Variants in FHIP1A observed in about 807,000 individuals in gnomAD.
FHIP1A encodes FHF complex subunit HOOK interacting protein 1A.
A neutral mutation model predicts 88.6 loss-of-function variants in FHIP1A; 61 were observed. The ratio of observed to expected loss-of-function variants is 0.69; its 90% CI spans 0.56 to 0.85. The LOEUF is 0.85. Among genes scored for constraint, FHIP1A ranks in the 40% least tolerant of loss-of-function variants. The pLI is 0.00. For synonymous variants in FHIP1A, 478 were observed against 496.0 expected (o/e 0.96, Z 0.48); for missense variants, 1,154 against 1,273.5 (o/e 0.91, Z 1.43).
chr4:151,453,250 A>G (rs1728858246), intron 1 of FHIP1A, among the ~76,000 whole-genome samples: 1 of 152,134 alleles, frequency 6.6e-6, no homozygotes, highest in African/African-American at 2.4e-5. Context: ...TCCTGACCTC[A>G]AGTGATCCGC....
chr4:151,596,342 G>T (rs1052320474), intron 7 of FHIP1A, among the ~76,000 whole-genome samples: 2 of 152,168 alleles, frequency 1.3e-5, no homozygotes, highest in African/African-American at 4.8e-5. Context: ...AATGTTGAAT[G>T]TTGGCCCCCA....
chr4:151,589,726 C>A (rs1186701474), intron 7 of FHIP1A, among the ~76,000 whole-genome samples: 1 of 152,034 alleles, frequency 6.6e-6, no homozygotes, highest in Non-Finnish European at 1.5e-5. Context: ...TTACAGAATC[C>A]AAAAATACTT....
intron 2 of FHIP1A, among the ~76,000 whole-genome samples, chr4:151,472,622 G>GTTT (rs5862961): frequency 3.0e-5 from 4 of 131,510 alleles, no homozygotes; most frequent in Non-Finnish European, 4.9e-5. Flanking sequence ...TTGCCTTGCT[G>GTTT]TTTTTTTTTT....
At chr4:151,583,306 C>G (rs1734091760) in intron 5 of FHIP1A, among the ~76,000 whole-genome samples, 1 of 152,212 alleles carries the variant, frequency 6.6e-6, no homozygotes, top group African/African-American at 2.4e-5. Context: ...AGCAGAGGCA[C>G]TTTTTGTAGT....
chr4:151,532,256 A>G (rs193207450), intron 3 of FHIP1A, among the ~76,000 whole-genome samples: 33 of 152,218 alleles, frequency 2.2e-4, no homozygotes, highest in Admixed American at 7.9e-4. Flanking sequence ...TTTTCTTGCT[A>G]TTTACACAGA....
At chr4:151,435,364 G>A (rs950004094) in intron 1 of FHIP1A, among the ~76,000 whole-genome samples, 1 of 152,100 alleles carries the variant, frequency 6.6e-6, no homozygotes. Context: ...AGAACATGTG[G>A]TATATAAATC....
intron 13 of FHIP1A, 121 bp downstream of exon 13, chr4:151,657,019 T>C: frequency 2.8e-6 from 3 of 1,058,168 alleles, no homozygotes; most frequent in Non-Finnish European, 4.0e-6. Context: ...AGAGATATTT[T>C]CATTTTTATG....
intron 8 of FHIP1A, among the ~76,000 whole-genome samples, chr4:151,630,239 A>G (rs1736105940): frequency 6.6e-6 from 1 of 152,180 alleles, no homozygotes; most frequent in Non-Finnish European, 1.5e-5. Context: ...GAGTGCATCA[A>G]GTCTGGGTGT....
chr4:151,580,713 C>T (rs1357061092), intron 5 of FHIP1A, among the ~76,000 whole-genome samples: 6 of 151,952 alleles, frequency 3.9e-5, no homozygotes, highest in South Asian at 2.1e-4. Context: ...AATATAAGTA[C>T]GTGAAGTGAA....
intron 3 of FHIP1A, among the ~76,000 whole-genome samples, chr4:151,547,799 A>G (rs1415786436): frequency 6.6e-6 from 1 of 152,092 alleles, no homozygotes; most frequent in Non-Finnish European, 1.5e-5. Flanking sequence ...TTGTAATCCC[A>G]GCTACTCGGG....
chr4:151,444,329 G>T (rs1330809091), intron 1 of FHIP1A, among the ~76,000 whole-genome samples: 1 of 152,030 alleles, frequency 6.6e-6, no homozygotes, highest in Non-Finnish European at 1.5e-5. Flanking sequence ...TAACATTTGA[G>T]TCTTGGCTTT....
At position 151,667,829 on chromosome 4, in the gene FHIP1A, A is replaced by G. The variant is rs866827887; in HGVS notation, c.*5075A>G. ...TAGGACCTGTCAGCATGACTTCGACATGCATTCCAGGCATCTTTCGGGGAG... is the reference window on the plus strand; with the variant it reads ...TAGGACCTGTCAGCATGACTTCGACGTGCATTCCAGGCATCTTTCGGGGAG... On this transcript the variant is annotated 3_prime_UTR_variant, in exon 14 of 14. Coordinates refer to ENST00000435205, the MANE Select transcript of FHIP1A (RefSeq NM_001109977.3). 6.6e-6 allele frequency among the ~76,000 whole-genome samples: 1 copy of G among 152,206 alleles called. No homozygotes were observed. The highest frequency in any genetic ancestry group is 1.5e-5 in the Non-Finnish European group (1 of 68,034).
At chr4:151,539,091 G>A (rs1447704447) in intron 3 of FHIP1A, among the ~76,000 whole-genome samples, 1 of 152,172 alleles carries the variant, frequency 6.6e-6, no homozygotes, top group African/African-American at 2.4e-5. Context: ...AGGCTATATA[G>A]ATAGCAGTAT....
intron 7 of FHIP1A, among the ~76,000 whole-genome samples, chr4:151,595,881 A>G (rs1734628484): frequency 6.6e-6 from 1 of 152,160 alleles, no homozygotes; most frequent in Non-Finnish European, 1.5e-5. Context: ...TGCTTGGTAA[A>G]TATTCCTCCA....
At chr4:151,556,322 C>T (rs987043498) in intron 3 of FHIP1A, among the ~76,000 whole-genome samples, 4 of 152,152 alleles carry the variant, frequency 2.6e-5, no homozygotes, top group Admixed American at 2.6e-4. Flanking sequence ...TCTATTCTAT[C>T]ATCATCCTTT....
In FHIP1A at chr4:151,663,907, G is replaced by T. The variant is rs1328994422; in HGVS notation, c.*1153G>T. Among the ~76,000 whole-genome samples, 3 of 152,156 alleles carry T rather than the reference G, an allele frequency of 2.0e-5. No homozygotes were observed. Among genetic ancestry groups the T allele is most frequent in the African/African-American group, 7.2e-5 (3 of 41,416 alleles). ...GCCTTCCGAGTAATGGGGTTCATTA[G>T]AAGGCCCCAACGTGCTGTATGAGCG... On this transcript the variant is annotated 3_prime_UTR_variant, in exon 14 of 14. Coordinates refer to ENST00000435205, the MANE Select transcript of FHIP1A (RefSeq NM_001109977.3).
chr4:151,460,614 C>T (rs1729113904), intron 2 of FHIP1A, among the ~76,000 whole-genome samples: 1 of 152,230 alleles, frequency 6.6e-6, no homozygotes, highest in African/African-American at 2.4e-5. Context: ...TAAACTGCTC[C>T]TGATACCTTG....
chr4:151,517,990 AAG>A (rs765955076), intron 3 of FHIP1A, among the ~76,000 whole-genome samples: 6 of 152,212 alleles, frequency 3.9e-5, no homozygotes, highest in Admixed American at 6.5e-5. Flanking sequence ...TTATTGAAGA[AAG>A]AAAATATTTT....
chr4:151,427,821 G>A (rs1733443054), intron 1 of FHIP1A, among the ~76,000 whole-genome samples: 2 of 152,032 alleles, frequency 1.3e-5, no homozygotes, highest in African/African-American at 2.4e-5. Context: ...TAAAATCATT[G>A]GCGATGTGAG....
Sources: allele counts gnomAD v4.1 joint callset (sites outside exome capture counted in the v4.1 genomes callset), GRCh38; gene constraint gnomAD v4.1.1; transcripts MANE v1.5; gene names NCBI Gene and HGNC (gene_info 2026-07-23, HGNC 2026-07-21).